Variants in CSMD3 observed in about 807,000 individuals in gnomAD.
CSMD3 encodes the protein CUB and Sushi multiple domains 3.
CSMD3 carries 177 observed loss-of-function variants against 435.2 expected under a neutral mutation model. That is an observed-to-expected ratio of 0.41 (90% CI 0.36 to 0.46). CSMD3 has a LOEUF of 0.46. CSMD3 is among the 20% of genes least tolerant of loss of function. The pLI, the probability that CSMD3 is intolerant of heterozygous loss-of-function variation, is 0.34. For synonymous variants in CSMD3, 1,656 were observed against 1,520.5 expected, an observed-to-expected ratio of 1.09 and a Z score of -2.07; for missense variants, 4,265 against 4,504.6, an observed-to-expected ratio of 0.95 and a Z score of 1.52.
intron 5 of CSMD3, among the ~76,000 whole-genome samples, chr8:113,030,995 T>C (rs79266814): frequency 0.048 from 7,302 of 151,592 alleles, 407 homozygotes; most frequent in Non-Finnish European, 0.071. Context: ...ACAGTGACTA[T>C]GCCAAATGTG....
At chr8:112,771,813 T>G (rs1165118789) in intron 13 of CSMD3, among the ~76,000 whole-genome samples, 1 of 152,046 alleles carries the variant, frequency 6.6e-6, no homozygotes, top group Non-Finnish European at 1.5e-5. Context: ...ATAAACATTG[T>G]TCATGAAATG....
intron 23 of CSMD3, among the ~76,000 whole-genome samples, chr8:112,576,499 C>T (rs1829954372): frequency 6.6e-6 from 1 of 151,900 alleles, no homozygotes; most frequent in African/African-American, 2.4e-5. Flanking sequence ...AGATTAGAAG[C>T]ACACAGCATA....
chr8:113,206,666 A>G (rs1375219964), intron 3 of CSMD3, among the ~76,000 whole-genome samples: 3 of 152,146 alleles, frequency 2.0e-5, no homozygotes, highest in African/African-American at 7.2e-5. Context: ...GCACATGTAT[A>G]GAAGTTCTTA....
rs113961598 is a variant in CSMD3 at position 112,749,230 on chromosome 8, C to A, written c.1972+50932G>T. 5.2e-4 allele frequency among the ~76,000 whole-genome samples: 79 copies of A among 152,022 alleles called. 1 individual carries two copies. The highest frequency in any genetic ancestry group is 1.8e-3 in the African/African-American group (73 of 41,482). On this transcript the variant is annotated intron_variant, in intron 13 of 70. Coordinates refer to ENST00000297405, the MANE Select transcript of CSMD3 (RefSeq NM_198123.2). ...GAATTTGTTTAAGTTGCTTATAGAT[C>A]CTGGATATTACACCTTTTAAGATGC...
At chr8:113,377,078 G>A (rs2133085225) in intron 1 of CSMD3, 1 of 1,296,960 alleles carries the variant, frequency 7.7e-7, no homozygotes, top group Non-Finnish European at 9.9e-7. Context: ...CTCACTTTTC[G>A]CCAGCTGGCG....
At chr8:113,089,885 A>G (rs1050669946) in intron 5 of CSMD3, among the ~76,000 whole-genome samples, 3 of 152,110 alleles carry the variant, frequency 2.0e-5, no homozygotes, top group African/African-American at 7.2e-5. Context: ...ATAAAATAAA[A>G]TAAAAAAGAA....
At chr8:112,638,076 T>C (rs2074711676) in intron 21 of CSMD3, among the ~76,000 whole-genome samples, 1 of 151,436 alleles carries the variant, frequency 6.6e-6, no homozygotes, top group Non-Finnish European at 1.5e-5. Context: ...CCCCCTGTAA[T>C]CTAAGTAATA....
At chr8:113,314,330 G>C in intron 2 of CSMD3, 1 of 481,446 alleles carries the variant, frequency 2.1e-6, no homozygotes, top group Non-Finnish European at 3.7e-6. Context: ...CCACTATAAA[G>C]AGATCACCAC....
At chr8:113,176,557 A>T (rs2092349327) in intron 3 of CSMD3, among the ~76,000 whole-genome samples, 2 of 152,150 alleles carry the variant, frequency 1.3e-5, no homozygotes, top group South Asian at 4.1e-4. Flanking sequence ...TAAACTTTTG[A>T]ATTAAATTTA....
intron 3 of CSMD3, among the ~76,000 whole-genome samples, chr8:113,203,255 A>T (rs1417238735): frequency 6.6e-6 from 1 of 152,084 alleles, no homozygotes; most frequent in Non-Finnish European, 1.5e-5. Context: ...AATATTTGTC[A>T]ATTTTTTAAA....
chr8:112,562,321 C>T (rs566771864), intron 24 of CSMD3, among the ~76,000 whole-genome samples: 53 of 151,536 alleles, frequency 3.5e-4, no homozygotes, highest in Admixed American at 1.8e-3. Context: ...TGTGAAAATT[C>T]ATTTTTAAAT....
rs2130162062 is a variant in CSMD3 at position 113,436,934 on chromosome 8, C to G, written c.-80G>C. On this transcript the variant is annotated 5_prime_UTR_variant, in exon 1 of 71. Coordinates refer to ENST00000297405, the MANE Select transcript of CSMD3 (RefSeq NM_198123.2). ...CTGTTGTTGGTGCGCGGTCACAGCTCGGAGTGAATGGTGTTTCTGGGATAC... is the reference window on the plus strand; with the variant it reads ...CTGTTGTTGGTGCGCGGTCACAGCTGGGAGTGAATGGTGTTTCTGGGATAC... The G allele has an allele frequency of 2.0e-6, 3 of 1,486,146 alleles. No individual in the cohort carries two copies. The East Asian group carries it at 6.8e-5, about 34-fold the overall frequency. The allele number at this position is 1,486,146 out of a possible 1,614,324, so 92.1% of individuals were successfully genotyped here.
intron 59 of CSMD3, among the ~76,000 whole-genome samples, chr8:112,277,541 C>A (rs951271324): frequency 6.6e-6 from 1 of 152,172 alleles, no homozygotes; most frequent in Admixed American, 6.5e-5. Flanking sequence ...CCAAACTGTT[C>A]CAACCTCTGC....
chr8:112,531,856 A>C (rs1311711441), intron 27 of CSMD3, among the ~76,000 whole-genome samples: 2 of 152,170 alleles, frequency 1.3e-5, no homozygotes, highest in East Asian at 3.9e-4. Flanking sequence ...TCAAGAAAAT[A>C]TGATCTAAGC....
In CSMD3 at chr8:113,038,219, A is replaced by G. The variant is rs2087443399; in HGVS notation, c.918-19040T>C. The stretch of plus-strand genomic sequence containing the variant: ...GACTGTCTAGTAACAGTAGAAAAAA[A>G]CTGTAGTTGGAATATAAAACATATA... On this transcript the variant is annotated intron_variant, in intron 5 of 70. Coordinates refer to ENST00000297405, the MANE Select transcript of CSMD3 (RefSeq NM_198123.2). 4.6e-5 allele frequency among the ~76,000 whole-genome samples: 7 copies of G among 152,346 alleles called. No homozygotes were observed. In the South Asian group the frequency reaches 1.5e-3, roughly 32 times the overall value.
intron 7 of CSMD3, among the ~76,000 whole-genome samples, chr8:112,966,649 A>C (rs948968890): frequency 6.6e-6 from 1 of 151,826 alleles, no homozygotes; most frequent in African/African-American, 2.4e-5. Flanking sequence ...GTAAAATTTA[A>C]AATTTAGAGC....
chr8:112,468,134 A>AATCCAGAT (rs1818139115), intron 32 of CSMD3, among the ~76,000 whole-genome samples: 1 of 152,160 alleles, frequency 6.6e-6, no homozygotes, highest in African/African-American at 2.4e-5. Flanking sequence ...ATGTGAAATT[A>AATCCAGAT]ATCCAGATAT....
At chr8:113,407,303 A>G (rs188963768) in intron 1 of CSMD3, among the ~76,000 whole-genome samples, 1 of 152,280 alleles carries the variant, frequency 6.6e-6, no homozygotes, top group African/African-American at 2.4e-5. Flanking sequence ...AAAGACTGGC[A>G]AGTAATAAGT....
At chr8:112,547,484 G>A (rs1034839280) in intron 27 of CSMD3, among the ~76,000 whole-genome samples, 5 of 152,016 alleles carry the variant, frequency 3.3e-5, no homozygotes, top group African/African-American at 1.2e-4. Flanking sequence ...GGAGGTTGAG[G>A]TTGCAGTGAG....
Sources: allele counts gnomAD v4.1 joint callset (sites outside exome capture counted in the v4.1 genomes callset), GRCh38; gene constraint gnomAD v4.1.1; transcripts MANE v1.5; gene names NCBI Gene and HGNC (gene_info 2026-07-23, HGNC 2026-07-21).